RAMP1: variants seen among roughly 807,000 people sequenced by gnomAD.
RAMP1 encodes receptor activity modifying protein 1.
A neutral mutation model predicts 8.2 loss-of-function variants in RAMP1; 7 were observed. The observed-to-expected ratio is 0.85, with a 90% CI of 0.49 to 1.60. The LOEUF (loss-of-function observed/expected upper bound fraction) is 1.60. Among genes scored for constraint, RAMP1 ranks in the 40% most tolerant of loss-of-function variants. RAMP1 has a pLI of 0.00. For synonymous variants in RAMP1, 92 were observed against 84.7 expected (o/e 1.09, Z -0.47); for missense variants, 192 against 202.4 (o/e 0.95, Z 0.31).
intron 2 of RAMP1, among the ~76,000 whole-genome samples, chr2:237,882,566 C>G (rs1309471317): frequency 2.6e-5 from 4 of 152,170 alleles, no homozygotes; most frequent in Non-Finnish European, 5.9e-5. Flanking sequence ...CTGTGGCCTC[C>G]TGAGATGGGG....
chr2:237,874,640 T>G (rs1188242305), intron 1 of RAMP1: 1 of 983,976 alleles, frequency 1.0e-6, no homozygotes, highest in Non-Finnish European at 1.2e-6. Context: ...ATCTTTCCAC[T>G]CCAGGCAGGA....
At chr2:237,870,150 T>A (rs1464973061) in intron 1 of RAMP1, among the ~76,000 whole-genome samples, 1 of 152,242 alleles carries the variant, frequency 6.6e-6, no homozygotes, top group Non-Finnish European at 1.5e-5. Context: ...CTGTGTCATG[T>A]CCCGCCACCC....
chr2:237,886,472 G>A (rs949539289), intron 2 of RAMP1, among the ~76,000 whole-genome samples: 1 of 152,182 alleles, frequency 6.6e-6, no homozygotes, highest in Non-Finnish European at 1.5e-5. Flanking sequence ...GGGAGGAGGA[G>A]CCCCATTTCC....
intron 1 of RAMP1, among the ~76,000 whole-genome samples, chr2:237,868,901 C>T (rs369934230): frequency 7.4e-4 from 112 of 152,242 alleles, no homozygotes; most frequent in Middle Eastern, 3.4e-3. Flanking sequence ...GCACTGTGGT[C>T]GGGGGCAGAG....
chr2:237,880,405 A>G (rs1379072538), intron 2 of RAMP1, among the ~76,000 whole-genome samples: 1 of 152,074 alleles, frequency 6.6e-6, no homozygotes, highest in African/African-American at 2.4e-5. Context: ...TATCTTAGAC[A>G]TTTTGTGCCC....
At chr2:237,885,388 C>T (rs1347999081) in intron 2 of RAMP1, among the ~76,000 whole-genome samples, 1 of 152,214 alleles carries the variant, frequency 6.6e-6, no homozygotes, top group Admixed American at 6.5e-5. Flanking sequence ...TGAGGCCTGT[C>T]GTGAGCATCA....
chr2:237,898,698 C>T (rs2062567665), intron 2 of RAMP1, among the ~76,000 whole-genome samples: 1 of 152,244 alleles, frequency 6.6e-6, no homozygotes, highest in Admixed American at 6.5e-5. Context: ...GCCAGGCTCC[C>T]GAGCTCACAC....
intron 2 of RAMP1, among the ~76,000 whole-genome samples, chr2:237,882,844 T>TATGGGCAGGC: frequency 6.6e-6 from 1 of 151,940 alleles, no homozygotes; most frequent in Non-Finnish European, 1.5e-5. Context: ...TGTGGGCAGG[T>TATGGGCAGGC]GGCACTGTGT....
rs548731099 is a variant in RAMP1, at chr2:237,865,210, A to T, written c.52+5483A>T. ...AGTGAGGCAGCGCTGAGGAATGAAG[A>T]ACAGCACCTGGCAGAGCTCCTGGGG... On this transcript the variant is annotated intron_variant, in intron 1 of 2. Coordinates refer to ENST00000254661, the MANE Select transcript of RAMP1 (RefSeq NM_005855.4). The surrounding 1 kb of genome is among the most constrained non-coding windows in gnomAD (Gnocchi z 4.2). Among the ~76,000 whole-genome samples the T allele has an allele frequency of 1.2e-4, 18 of 151,210 alleles. No individual in the cohort carries two copies. In the South Asian group the frequency reaches 3.8e-3, roughly 32 times the overall value.
intron 2 of RAMP1, among the ~76,000 whole-genome samples, chr2:237,910,959 A>T (rs754311175): frequency 1.3e-5 from 2 of 152,176 alleles, no homozygotes; most frequent in Admixed American, 6.5e-5. Flanking sequence ...ACACAGAGTC[A>T]CACACAGTGA....
intron 2 of RAMP1, among the ~76,000 whole-genome samples, chr2:237,881,279 C>T (rs756615896): frequency 3.9e-5 from 6 of 152,226 alleles, no homozygotes; most frequent in East Asian, 1.9e-4. Flanking sequence ...AGTACTCCGC[C>T]GTGCAGAGTC....
intron 1 of RAMP1, among the ~76,000 whole-genome samples, chr2:237,861,851 C>CAAAA (rs11384578): frequency 2.2e-5 from 3 of 138,558 alleles, no homozygotes; most frequent in African/African-American, 5.3e-5. Context: ...AACTCCGTCT[C>CAAAA]AAAAAAAAAA....
chr2:237,890,073 T>C (rs1417876997), intron 2 of RAMP1, among the ~76,000 whole-genome samples: 1 of 152,210 alleles, frequency 6.6e-6, no homozygotes, highest in East Asian at 1.9e-4. Flanking sequence ...AAAATGGGTA[T>C]AGAAAGTGAT....
At chr2:237,909,722 A>G (rs1486470425) in intron 2 of RAMP1, among the ~76,000 whole-genome samples, 1 of 152,174 alleles carries the variant, frequency 6.6e-6, no homozygotes, top group Non-Finnish European at 1.5e-5. Context: ...GGCTGGGTCC[A>G]CTTGGGTTTT....
chr2:237,892,735 T>TTCCCTCTC (rs2062498857), intron 2 of RAMP1, among the ~76,000 whole-genome samples: 1 of 148,626 alleles, frequency 6.7e-6, no homozygotes, highest in Admixed American at 6.7e-5. Context: ...GGGCTTCCTC[T>TTCCCTCTC]TCTCTCTCTC....
chr2:237,886,257 C>T (rs923201986), intron 2 of RAMP1, among the ~76,000 whole-genome samples: 1 of 152,164 alleles, frequency 6.6e-6, no homozygotes, highest in Non-Finnish European at 1.5e-5. Flanking sequence ...CCTTGGCGCG[C>T]GTGACCGTGG....
intron 1 of RAMP1, among the ~76,000 whole-genome samples, chr2:237,860,502 G>C (rs1045865063): frequency 1.3e-5 from 2 of 152,158 alleles, no homozygotes; most frequent in Admixed American, 1.3e-4. Context: ...GGCAAGAAAC[G>C]GTGCTGTTCA....
intron 1 of RAMP1, among the ~76,000 whole-genome samples, chr2:237,860,167 C>T (rs1381649956): frequency 6.6e-6 from 1 of 152,258 alleles, no homozygotes; most frequent in Non-Finnish European, 1.5e-5. Flanking sequence ...AGACGGGCAC[C>T]TTGCAGAAGA....
chr2:237,862,331 T>A lies in RAMP1; in HGVS notation c.52+2604T>A, dbSNP rs2062140813. Among the ~76,000 whole-genome samples, 1 of 152,214 alleles carries A rather than the reference T, an allele frequency of 6.6e-6. No homozygotes were observed. Among genetic ancestry groups the A allele is most frequent in the Non-Finnish European group, 1.5e-5 (1 of 68,042 alleles). On this transcript the variant is annotated intron_variant, in intron 1 of 2. Coordinates refer to ENST00000254661, the MANE Select transcript of RAMP1 (RefSeq NM_005855.4). This position sits in a 1 kb window ranked among gnomAD's most constrained non-coding sequence, Gnocchi z 4.0. ...ATCAACTCAGTGTGTTTGTTTACCCTCTCTGTGTGTCTAGCTGCAGGAAGA... is the reference window on the plus strand; with the variant it reads ...ATCAACTCAGTGTGTTTGTTTACCCACTCTGTGTGTCTAGCTGCAGGAAGA...
Sources: allele counts gnomAD v4.1 joint callset (sites outside exome capture counted in the v4.1 genomes callset), GRCh38; gene constraint gnomAD v4.1.1; non-coding constraint Gnocchi (gnomAD v3.1); transcripts MANE v1.5; gene names NCBI Gene and HGNC (gene_info 2026-07-23, HGNC 2026-07-21).